Variants in DCBLD2 observed in about 807,000 individuals in gnomAD.
DCBLD2 encodes the protein discoidin, CUB and LCCL domain containing 2, also known as discoidin, CUB and LCCL domain-containing protein 2.
Under a neutral mutation model 86.8 loss-of-function variants are expected in DCBLD2, and 54 were observed. That is an observed-to-expected ratio of 0.62 (90% CI 0.50 to 0.78). The LOEUF is 0.78. Ranked by LOEUF, DCBLD2 falls within the 30% of genes least tolerant of loss-of-function variation. DCBLD2 has a pLI of 0.00. For missense variants in DCBLD2, 908 were observed against 954.2 expected (o/e 0.95, Z 0.64); for synonymous variants, 354 against 341.3 (o/e 1.04, Z -0.41).
rs1393941313 is a variant in DCBLD2 at position 98,797,310 on chromosome 3, C to T, written c.*2062G>A. The T allele has an allele frequency of 6.8e-6, 1 of 147,720 alleles. No individual in the cohort carries two copies. Among genetic ancestry groups the T allele is most frequent in the African/African-American group, 2.5e-5 (1 of 40,290 alleles). The allele number at this position is 147,720 out of a possible 1,614,324, so 9.2% of individuals were successfully genotyped here. ...AAAACCCAAAACTAAACAACAACAA[C>T]AAAAACCTCCAGGAAAAAACAATCA... On this transcript the variant is annotated 3_prime_UTR_variant, in exon 16 of 16. Coordinates refer to ENST00000326840, the MANE Select transcript of DCBLD2 (RefSeq NM_080927.4).
chr3:98,812,120 A>G (rs934996727), intron 10 of DCBLD2, among the ~76,000 whole-genome samples: 2 of 151,746 alleles, frequency 1.3e-5, no homozygotes, highest in African/African-American at 4.8e-5. Context: ...GAATGATGCT[A>G]TTTCTTCTTC....
intron 2 of DCBLD2, among the ~76,000 whole-genome samples, chr3:98,850,109 T>G (rs1175009730): frequency 2.0e-5 from 3 of 152,216 alleles, no homozygotes; most frequent in African/African-American, 7.2e-5. Flanking sequence ...TGGCTTTAAC[T>G]ATGATCTGAC....
At chr3:98,882,081 C>T (rs560793868) in intron 1 of DCBLD2, among the ~76,000 whole-genome samples, 9 of 152,126 alleles carry the variant, frequency 5.9e-5, no homozygotes, top group African/African-American at 1.4e-4. Context: ...TAGATTCCTC[C>T]TATCTAGCTG....
At chr3:98,815,240 AGCT>A (rs1942000650) in intron 9 of DCBLD2, 1 of 152,370 alleles carries the variant, frequency 6.6e-6, no homozygotes, top group Admixed American at 6.5e-5. Context: ...CAAGTCTCAC[AGCT>A]CCGTAGATCT....
chr3:98,888,972 C>T (rs967503638), intron 1 of DCBLD2, among the ~76,000 whole-genome samples: 1 of 151,968 alleles, frequency 6.6e-6, no homozygotes, highest in African/African-American at 2.4e-5. Context: ...CTCTTACACC[C>T]ACTGCATACT....
chr3:98,891,974 CA>C (rs1576207506), intron 1 of DCBLD2, among the ~76,000 whole-genome samples: 2 of 152,096 alleles, frequency 1.3e-5, no homozygotes, highest in African/African-American at 4.8e-5. Context: ...GTTAGAAAGG[CA>C]ATGCATTCTA....
chr3:98,799,535 G>C lies in DCBLD2; in HGVS notation c.2165C>G (p.Thr722Ser). The change falls in exon 16 of 16, where the codon ACT becomes AGT. Residue 722 changes from threonine (T) to serine (S), a missense_variant. By Grantham distance (58) the Thr-to-Ser change is moderately conservative. Around this residue, in one of 3 missense-constraint regions of DCBLD2, gnomAD observed 606 missense variants for 678.5 expected, o/e 0.89. Coordinates refer to ENST00000326840, the MANE Select transcript of DCBLD2 (RefSeq NM_080927.4). ...VGTYNTLLSR[T>S]DSCSSAQAQY... Reference sequence around the variant, plus strand: ...GGCCTGGGCTGAGGAGCAGCTGTCAGTCCTGGAGAGAAGTGTATTGTAAGT... The same window carrying C: ...GGCCTGGGCTGAGGAGCAGCTGTCACTCCTGGAGAGAAGTGTATTGTAAGT... The C allele has an allele frequency of 6.2e-7, 1 of 1,613,972 alleles. No individual in the cohort carries two copies. Among genetic ancestry groups the C allele is most frequent in the Non-Finnish European group, 8.5e-7 (1 of 1,179,878 alleles).
intron 9 of DCBLD2, among the ~76,000 whole-genome samples, chr3:98,817,489 T>C (rs1056539384): frequency 3.3e-5 from 5 of 152,212 alleles, no homozygotes; most frequent in African/African-American, 1.2e-4. Context: ...ACAAGGTCCC[T>C]TTTAGACTTT....
At chr3:98,836,952 G>A (rs1475258425) in intron 3 of DCBLD2, among the ~76,000 whole-genome samples, 50 of 76,722 alleles carry the variant, frequency 6.5e-4, no homozygotes, top group East Asian at 6.2e-3. Context: ...CGGACGGGGC[G>A]GCTGGCCGGG....
At chr3:98,818,936 G>T (rs1008412124) in intron 8 of DCBLD2, among the ~76,000 whole-genome samples, 1 of 152,090 alleles carries the variant, frequency 6.6e-6, no homozygotes, top group African/African-American at 2.4e-5. Context: ...CATGTGAGTC[G>T]ATACACCTTA....
At position 98,797,047 on chromosome 3, in the gene DCBLD2, A is replaced by C. The variant is rs905988244; in HGVS notation, c.*2325T>G. On this transcript the variant is annotated 3_prime_UTR_variant, in exon 16 of 16. Coordinates refer to ENST00000326840, the MANE Select transcript of DCBLD2 (RefSeq NM_080927.4). ...ACATATAAATGTAGTAAAAAAAAAAAAAAAAAAAATAGAAAACCTCTACTA... is the reference window on the plus strand; with the variant it reads ...ACATATAAATGTAGTAAAAAAAAAACAAAAAAAAATAGAAAACCTCTACTA... The C allele has an allele frequency of 6.6e-6, 1 of 152,044 alleles. No homozygotes were observed. Among genetic ancestry groups the C allele is most frequent in the South Asian group, 2.1e-4 (1 of 4,826 alleles). The allele number at this position is 152,044 out of a possible 1,614,324, so 9.4% of individuals were successfully genotyped here.
intron 3 of DCBLD2, among the ~76,000 whole-genome samples, chr3:98,829,840 G>T (rs1309562875): frequency 6.6e-6 from 1 of 152,122 alleles, no homozygotes; most frequent in East Asian, 1.9e-4. Flanking sequence ...TTCCACAATG[G>T]TTGAACTTAC....
intron 3 of DCBLD2, among the ~76,000 whole-genome samples, chr3:98,834,170 T>G (rs1393109538): frequency 6.6e-6 from 1 of 151,368 alleles, no homozygotes; most frequent in Non-Finnish European, 1.5e-5. Context: ...TGTTTTAAAT[T>G]TTTTTATTGA....
intron 3 of DCBLD2, among the ~76,000 whole-genome samples, chr3:98,844,134 TC>T (rs1394183476): frequency 6.6e-6 from 1 of 152,028 alleles, no homozygotes; most frequent in African/African-American, 2.4e-5. Context: ...TGTATATATT[TC>T]TTTTGAGTTC....
chr3:98,828,580 C>T (rs1942266343), intron 3 of DCBLD2, among the ~76,000 whole-genome samples: 1 of 152,122 alleles, frequency 6.6e-6, no homozygotes, highest in Non-Finnish European at 1.5e-5. Context: ...TGTGGAGAAA[C>T]TGGAGTCTTT....
At chr3:98,809,652 T>A (rs1941902656) in intron 12 of DCBLD2, among the ~76,000 whole-genome samples, 1 of 152,014 alleles carries the variant, frequency 6.6e-6, no homozygotes, top group Non-Finnish European at 1.5e-5. Flanking sequence ...ATAAGGGGAA[T>A]ATGTAAAATA....
chr3:98,880,796 C>T (rs926053608), intron 2 of DCBLD2, among the ~76,000 whole-genome samples: 1 of 152,146 alleles, frequency 6.6e-6, no homozygotes, highest in Admixed American at 6.5e-5. Flanking sequence ...TGGCCAAAGT[C>T]ACACAGCAAG....
chr3:98,841,286 CCAA>C (rs2107474703), intron 3 of DCBLD2, among the ~76,000 whole-genome samples: 1 of 152,150 alleles, frequency 6.6e-6, no homozygotes, highest in South Asian at 2.1e-4. Context: ...TCTGAAAACA[CCAA>C]CATCAGATTT....
chr3:98,811,583 C>T, intron 10 of DCBLD2, 29 bp from the exon 11 acceptor site: 2 of 1,540,700 alleles, frequency 1.3e-6, no homozygotes, highest in Non-Finnish European at 1.7e-6. Context: ...AAAATTTAAA[C>T]ATTTTGTTTT....
Sources: gnomAD v4.1 joint callset for allele counts (sites outside exome capture counted in the v4.1 genomes callset) on GRCh38, gnomAD v4.1.1 for gene constraint, gnomAD v4.1.1 regional missense constraint, MANE v1.5 for transcripts, NCBI Gene and HGNC (gene_info 2026-07-23, HGNC 2026-07-21) for gene names.